Variants in DAB1 observed in about 807,000 individuals in gnomAD.
DAB1 encodes the protein disabled homolog 1.
DAB1 carries 15 observed loss-of-function variants against 64.6 expected under a neutral mutation model. The ratio of observed to expected loss-of-function variants is 0.23; its 90% CI spans 0.16 to 0.36. The LOEUF (loss-of-function observed/expected upper bound fraction) is 0.36, where lower values mean the gene tolerates loss of function less well. Ranked by LOEUF, DAB1 falls within the 10% of genes least tolerant of loss-of-function variation. DAB1 has a pLI of 1.00. For missense variants in DAB1, 596 were observed against 706.7 expected (o/e 0.84, Z 1.78); for synonymous variants, 235 against 251.9 (o/e 0.93, Z 0.64).
At chr1:58,377,277 A>G (rs1474251132) in intron 3 of DAB1, among the ~76,000 whole-genome samples, 1 of 145,494 alleles carries the variant, frequency 6.9e-6, no homozygotes, top group African/African-American at 2.6e-5. Context: ...CCTAGTCTCG[A>G]TGGTCTTTAC....
chr1:58,418,655 T>C (rs955982925), intron 3 of DAB1, among the ~76,000 whole-genome samples: 1 of 152,082 alleles, frequency 6.6e-6, no homozygotes, highest in Non-Finnish European at 1.5e-5. Flanking sequence ...AAAATTGTTA[T>C]GGGGGTTGGA....
chr1:57,736,580 T>G (rs1483111596), intron 6 of DAB1, among the ~76,000 whole-genome samples: 1 of 152,182 alleles, frequency 6.6e-6, no homozygotes, highest in Non-Finnish European at 1.5e-5. Flanking sequence ...CTGTAAAGTG[T>G]GAATAATAAT....
intron 5 of DAB1, among the ~76,000 whole-genome samples, chr1:58,021,642 G>T (rs1159548971): frequency 6.6e-6 from 1 of 152,192 alleles, no homozygotes; most frequent in African/African-American, 2.4e-5. Flanking sequence ...ATGGAATATG[G>T]CCCCCAAAAA....
At chr1:58,400,920 A>G (rs1294839386) in intron 3 of DAB1, among the ~76,000 whole-genome samples, 1 of 152,208 alleles carries the variant, frequency 6.6e-6, no homozygotes, top group Non-Finnish European at 1.5e-5. Flanking sequence ...TTTAATATTT[A>G]ACCATGACAA....
chr1:57,981,239 T>C (rs543283098), intron 5 of DAB1, among the ~76,000 whole-genome samples: 2 of 152,104 alleles, frequency 1.3e-5, no homozygotes, highest in South Asian at 2.1e-4. Context: ...TGAAAGAGAT[T>C]TTATAGGGAA....
chr1:58,151,150 C>T (rs1654912594), intron 4 of DAB1, among the ~76,000 whole-genome samples: 1 of 152,186 alleles, frequency 6.6e-6, no homozygotes, highest in Admixed American at 6.5e-5. Flanking sequence ...CCGCAATAAA[C>T]ATATGTGTGC....
chr1:58,514,047 C>T (rs1483158565), intron 2 of DAB1, among the ~76,000 whole-genome samples: 6 of 152,182 alleles, frequency 3.9e-5, no homozygotes, highest in Non-Finnish European at 7.3e-5. Context: ...TGCAAAGCAG[C>T]CATTCCAGGA....
intron 3 of DAB1, among the ~76,000 whole-genome samples, chr1:58,413,098 G>A (rs1156454749): frequency 6.6e-6 from 1 of 152,202 alleles, no homozygotes; most frequent in Non-Finnish European, 1.5e-5. Flanking sequence ...AGGACAGGGA[G>A]GAGAGCATTA....
At chr1:57,755,295 A>C (rs1569583098) in intron 6 of DAB1, among the ~76,000 whole-genome samples, 1 of 152,306 alleles carries the variant, frequency 6.6e-6, no homozygotes, top group East Asian at 1.9e-4. Flanking sequence ...TCTTTACAGC[A>C]CAAAGTATTC....
At chr1:57,388,668 C>T (rs910594850) in intron 1 of DAB1, among the ~76,000 whole-genome samples, 2 of 152,184 alleles carry the variant, frequency 1.3e-5, no homozygotes, top group African/African-American at 4.8e-5. Flanking sequence ...TCTCTCCTTT[C>T]TCTTCTCCCT....
At chr1:57,907,250 C>A (rs917394192) in intron 5 of DAB1, among the ~76,000 whole-genome samples, 1 of 152,204 alleles carries the variant, frequency 6.6e-6, no homozygotes, top group East Asian at 1.9e-4. Flanking sequence ...AGGCACGGTG[C>A]ACCTACAGAG....
At chr1:57,006,290 C>T (rs114996745) in intron 14 of DAB1, among the ~76,000 whole-genome samples, 4,981 of 152,278 alleles carry the variant, frequency 0.033, 81 homozygotes, top group South Asian at 0.039. Context: ...GGCATCTCTA[C>T]TTGGAAGTCT....
intron 5 of DAB1, among the ~76,000 whole-genome samples, chr1:58,023,131 C>A (rs1370909421): frequency 2.6e-5 from 4 of 152,160 alleles, no homozygotes; most frequent in African/African-American, 7.2e-5. Context: ...CCCTTCTGTG[C>A]TCATTTATCG....
intron 3 of DAB1, among the ~76,000 whole-genome samples, chr1:58,429,413 G>A (rs1444597060): frequency 6.6e-6 from 1 of 152,202 alleles, no homozygotes; most frequent in Non-Finnish European, 1.5e-5. Flanking sequence ...GAATTGAGGA[G>A]AAACTAGCAA....
At chr1:57,396,625 G>A (rs569731721) in intron 1 of DAB1, among the ~76,000 whole-genome samples, 14 of 152,212 alleles carry the variant, frequency 9.2e-5, no homozygotes, top group South Asian at 6.2e-4. Context: ...TTTTGAAATC[G>A]CACTGGTTCA....
At chr1:57,626,557 C>T (rs1645925820) in intron 7 of DAB1, among the ~76,000 whole-genome samples, 1 of 152,164 alleles carries the variant, frequency 6.6e-6, no homozygotes, top group Non-Finnish European at 1.5e-5. Context: ...CAGGTACAAC[C>T]TTCCCCTGTG....
At chr1:57,095,863 T>A (rs1162582998) in intron 4 of DAB1, among the ~76,000 whole-genome samples, 1 of 152,212 alleles carries the variant, frequency 6.6e-6, no homozygotes, top group Non-Finnish European at 1.5e-5. Flanking sequence ...ATGTAATTTG[T>A]TAAATAAGTG....
intron 2 of DAB1, among the ~76,000 whole-genome samples, chr1:57,148,559 T>C (rs186038990): frequency 2.0e-5 from 3 of 152,330 alleles, no homozygotes; most frequent in South Asian, 2.1e-4. Flanking sequence ...TCAGTCTTCA[T>C]GCATTTTAGG....
chr1:57,082,774 C>T (rs11206967), intron 4 of DAB1, among the ~76,000 whole-genome samples: 30,259 of 152,014 alleles, frequency 0.2, 3,579 homozygotes, highest in East Asian at 0.49. Context: ...TGAAAACATG[C>T]GGTATTTGGT....
Sources: gnomAD v4.1 joint callset for allele counts (sites outside exome capture counted in the v4.1 genomes callset) on GRCh38, gnomAD v4.1.1 for gene constraint, MANE v1.5 for transcripts, NCBI Gene and HGNC (gene_info 2026-07-23, HGNC 2026-07-21) for gene names.